The following CFAP47 variants were observed in gnomAD, a reference collection of about 807,000 sequenced individuals.
CFAP47 encodes the protein cilia and flagella associated protein 47.
A neutral mutation model predicts 148.1 loss-of-function variants in CFAP47; 29 were observed. The observed-to-expected ratio is 0.20, with a 90% CI of 0.15 to 0.27. The LOEUF (loss-of-function observed/expected upper bound fraction) is 0.27, where lower values mean the gene tolerates loss of function less well. Ranked by LOEUF, CFAP47 falls within the 10% of genes least tolerant of loss-of-function variation. The probability of loss-of-function intolerance (pLI) is 1.00; values close to 1 mark genes in which losing one functional copy is unlikely to be tolerated. For missense variants in CFAP47, 1,872 were observed against 1,697.5 expected (o/e 1.10, Z -1.81); for synonymous variants, 664 against 577.3 (o/e 1.15, Z -2.15).
chrX:36,080,474 T>G (rs948450694), intron 29 of CFAP47, among the ~76,000 whole-genome samples: 2 of 111,793 alleles, frequency 1.8e-5, no homozygotes. Context: ...TAAAGACACA[T>G]GCCCATGTAT....
rs747360064 is a variant in CFAP47 at position 35,919,874 on chromosome X, C to T, written c.75C>T (p.Ser25=). The change falls in exon 1 of 64, where the codon TCC becomes TCT. Residue 25 remains serine, a synonymous_variant. Transcript: ENST00000378653. ...GSLAMSIQRG[S]LVPRDMDSSG... ...TCGCCATGAGCATCCAAAGGGGTTCCCTCGTCCCCCGGGATATGGATAGCT... is the reference window on the plus strand; with the variant it reads ...TCGCCATGAGCATCCAAAGGGGTTCTCTCGTCCCCCGGGATATGGATAGCT... The T allele has an allele frequency of 8.3e-7, 1 of 1,210,556 alleles. No individual in the cohort carries two copies. Among genetic ancestry groups the T allele is most frequent in the South Asian group, 1.8e-5 (1 of 56,725 alleles).
At chrX:36,274,883 A>G (rs192579733) in intron 49 of CFAP47, among the ~76,000 whole-genome samples, 3 of 111,779 alleles carry the variant, frequency 2.7e-5, no homozygotes, top group African/African-American at 9.7e-5. Flanking sequence ...AGAAGTGGAA[A>G]AAATACAGGC....
At chrX:36,276,663 A>C (rs1941021466) in intron 49 of CFAP47, among the ~76,000 whole-genome samples, 1 of 111,849 alleles carries the variant, frequency 8.9e-6, no homozygotes, top group African/African-American at 3.2e-5. Flanking sequence ...CATTCCATCC[A>C]GATTTTAGAA....
rs1484711832 is a variant in CFAP47, at chrX:36,271,788, G to A, written c.7445-8699G>A. 2.7e-5 allele frequency among the ~76,000 whole-genome samples: 3 copies of A among 111,230 alleles called. No homozygotes were observed. The Admixed American group carries it at 2.9e-4, about 11-fold the overall frequency. ...AAATAAGAGCAAACACCAAATTTAC[G>A]GTGAAGCTTTAGCGGAAAAAATGGT... is the stretch of plus-strand genomic sequence containing the variant. On this transcript the variant is annotated intron_variant, in intron 49 of 63. Coordinates refer to ENST00000378653, the MANE Select transcript of CFAP47 (RefSeq NM_001304548.2).
chrX:36,174,440 G>A (rs1231289993), intron 39 of CFAP47, among the ~76,000 whole-genome samples: 17 of 109,930 alleles, frequency 1.5e-4, no homozygotes, highest in Non-Finnish European at 2.1e-4. Flanking sequence ...AGCTGGTACC[G>A]GTTGTTCCTT....
intron 39 of CFAP47, among the ~76,000 whole-genome samples, chrX:36,177,671 T>C (rs1939701465): frequency 8.9e-6 from 1 of 112,344 alleles, no homozygotes; most frequent in Admixed American, 9.5e-5. Flanking sequence ...ATTCACATAA[T>C]TCTTTATAAT....
chrX:36,367,152 A>G (rs1941886201), intron 62 of CFAP47, 25 bp downstream of exon 62: 4 of 1,028,379 alleles, frequency 3.9e-6, no homozygotes, highest in Non-Finnish European at 5.2e-6. Flanking sequence ...AAAAGTATGT[A>G]GCTGTTTTAG....
chrX:36,349,227 A>C (rs1941722542), intron 58 of CFAP47, among the ~76,000 whole-genome samples: 1 of 111,766 alleles, frequency 8.9e-6, no homozygotes, highest in African/African-American at 3.3e-5. Flanking sequence ...TTAATGAAAA[A>C]AATCCCAACT....
intron 26 of CFAP47, among the ~76,000 whole-genome samples, chrX:36,059,328 T>A (rs1937576769): frequency 9.0e-6 from 1 of 111,674 alleles, no homozygotes; most frequent in Non-Finnish European, 1.9e-5. Context: ...ATGATCTTAC[T>A]GTTTTGTGTG....
At chrX:36,242,671 A>G (rs979497138) in intron 48 of CFAP47, among the ~76,000 whole-genome samples, 1 of 112,244 alleles carries the variant, frequency 8.9e-6, no homozygotes, top group African/African-American at 3.2e-5. Flanking sequence ...TCTGATAAAA[A>G]TTAGATTATA....
At chrX:36,101,801 A>G (rs1404476622) in intron 32 of CFAP47, among the ~76,000 whole-genome samples, 1 of 111,787 alleles carries the variant, frequency 8.9e-6, no homozygotes, top group Non-Finnish European at 1.9e-5. Flanking sequence ...TAGTCTCAAA[A>G]ATACAGAGAT....
At chrX:36,096,395 G>GT (rs1432252136) in intron 30 of CFAP47, among the ~76,000 whole-genome samples, 2 of 109,852 alleles carry the variant, frequency 1.8e-5, no homozygotes, top group Non-Finnish European at 3.8e-5. Flanking sequence ...GAAGTCTGAT[G>GT]TTTTTTTCAT....
At chrX:36,294,020 G>A (rs1317310918) in intron 51 of CFAP47, among the ~76,000 whole-genome samples, 4 of 111,401 alleles carry the variant, frequency 3.6e-5, no homozygotes, top group Non-Finnish European at 7.5e-5. Context: ...CTAAGCTTGA[G>A]CTTATTTGAA....
chrX:36,294,620 G>A (rs1312856860), intron 51 of CFAP47, among the ~76,000 whole-genome samples: 1 of 110,611 alleles, frequency 9.0e-6, no homozygotes, highest in African/African-American at 3.3e-5. Flanking sequence ...GCTGAGGCAG[G>A]AGAATGGCCT....
At chrX:36,262,765 A>G (rs1940844720) in intron 49 of CFAP47, among the ~76,000 whole-genome samples, 1 of 111,732 alleles carries the variant, frequency 8.9e-6, no homozygotes, top group Non-Finnish European at 1.9e-5. Flanking sequence ...CAGTATATCT[A>G]TTTTTCATTT....
intron 48 of CFAP47, among the ~76,000 whole-genome samples, chrX:36,241,173 G>A (rs1555995951): frequency 8.9e-6 from 1 of 111,916 alleles, no homozygotes; most frequent in Non-Finnish European, 1.9e-5. Flanking sequence ...AGACCTTTAG[G>A]ATACCAGCTA....
At chrX:36,078,759 G>C (rs187255115) in intron 29 of CFAP47, among the ~76,000 whole-genome samples, 58 of 111,154 alleles carry the variant, frequency 5.2e-4, no homozygotes, top group African/African-American at 1.8e-3. Flanking sequence ...GATGTTAGCT[G>C]CTTATTTTGC....
chrX:36,033,316 A>G (rs759645030), intron 23 of CFAP47, among the ~76,000 whole-genome samples: 8 of 111,809 alleles, frequency 7.2e-5, no homozygotes, highest in African/African-American at 2.3e-4. Flanking sequence ...GCTTTTAAAC[A>G]AGCATTTTGA....
At chrX:35,991,567 ATAAAAT>A (rs1936789359) in intron 16 of CFAP47, among the ~76,000 whole-genome samples, 1 of 110,590 alleles carries the variant, frequency 9.0e-6, no homozygotes, top group African/African-American at 3.3e-5. Flanking sequence ...ATTTTGGAAA[ATAAAAT>A]TATTATACCT....
Sources: allele counts gnomAD v4.1 joint callset (sites outside exome capture counted in the v4.1 genomes callset), GRCh38; gene constraint gnomAD v4.1.1; transcripts MANE v1.5; gene names NCBI Gene and HGNC (gene_info 2026-07-23, HGNC 2026-07-21).